Variants in MGA observed in about 807,000 individuals in gnomAD.
MGA encodes MAX gene-associated protein.
In MGA, 40 loss-of-function variants were observed where a neutral mutation model predicts 261.1. The ratio of observed to expected loss-of-function variants is 0.15; its 90% CI spans 0.12 to 0.20. MGA has a LOEUF of 0.20. MGA is among the 10% of genes least tolerant of loss of function. MGA has a pLI of 1.00. For missense variants in MGA, 3,397 were observed against 3,630.5 expected (o/e 0.94, Z 1.65); for synonymous variants, 1,302 against 1,290.6 (o/e 1.01, Z -0.19).
intron 20 of MGA, 59 bp downstream of exon 20, chr15:41,760,588 TGAGAAA>T: frequency 7.8e-6 from 12 of 1,538,640 alleles, no homozygotes; most frequent in Non-Finnish European, 1.1e-5. Context: ...ACCGATGATA[TGAGAAA>T]GATAATCCAC....
intron 2 of MGA, among the ~76,000 whole-genome samples, chr15:41,673,910 G>A (rs1475560186): frequency 6.6e-6 from 1 of 152,032 alleles, no homozygotes; most frequent in African/African-American, 2.4e-5. Flanking sequence ...GTTATGTTTT[G>A]AGACGGAGTC....
At chr15:41,693,035 A>G (rs145274097) in intron 2 of MGA, among the ~76,000 whole-genome samples, 239 of 152,180 alleles carry the variant, frequency 1.6e-3, no homozygotes, top group African/African-American at 5.0e-3. Context: ...ATGAGGTTTC[A>G]CCATGTTGCC....
At chr15:41,638,917 C>T (rs1305680930) in intron 1 of MGA, among the ~76,000 whole-genome samples, 2 of 151,934 alleles carry the variant, frequency 1.3e-5, no homozygotes, top group South Asian at 2.1e-4. Flanking sequence ...TGCCTTATTG[C>T]CCAGGCTGGT....
Position 41,767,277 on chromosome 15 carries a change from A to G in MGA, c.9195A>G (p.Lys3065=), listed in dbSNP as rs962693808. The G allele has an allele frequency of 5.6e-6, 9 of 1,607,232 alleles. No homozygotes were observed. Among genetic ancestry groups the G allele is most frequent in the African/African-American group, 1.3e-5 (1 of 74,844 alleles). ...GGGCCTCACCAAGTTCTGCAGGGAA[A>G]TGAACTTACTTGTCCTTAAGCAGAA... is the stretch of plus-strand genomic sequence containing the variant. The change falls in exon 24 of 24, where the codon AAA becomes AAG. Residue 3065 remains lysine, a synonymous_variant. Transcript: ENST00000219905.
intron 5 of MGA, among the ~76,000 whole-genome samples, chr15:41,699,575 C>T (rs552024883): frequency 1.3e-5 from 2 of 152,322 alleles, no homozygotes; most frequent in South Asian, 2.1e-4. Flanking sequence ...AATCTCTGCT[C>T]ACTGCAAGCT....
intron 2 of MGA, among the ~76,000 whole-genome samples, chr15:41,681,857 A>T (rs928265866): frequency 6.6e-6 from 1 of 152,136 alleles, no homozygotes; most frequent in African/African-American, 2.4e-5. Flanking sequence ...GTAGTTAATT[A>T]TTGCTTTTTT....
At chr15:41,758,792 G>T (rs1227502704) in intron 19 of MGA, among the ~76,000 whole-genome samples, 1 of 151,960 alleles carries the variant, frequency 6.6e-6, no homozygotes, top group African/African-American at 2.4e-5. Flanking sequence ...TTTTGGTTAC[G>T]GTCAGAGTTA....
intron 12 of MGA, among the ~76,000 whole-genome samples, chr15:41,735,147 A>G (rs1330168702): frequency 6.6e-6 from 1 of 152,216 alleles, no homozygotes; most frequent in Non-Finnish European, 1.5e-5. Flanking sequence ...CAATGTTTCT[A>G]TAGCACATTG....
intron 2 of MGA, among the ~76,000 whole-genome samples, chr15:41,678,955 T>C (rs888105243): frequency 6.6e-6 from 1 of 152,242 alleles, no homozygotes; most frequent in East Asian, 1.9e-4. Flanking sequence ...CATTTTCAAA[T>C]TGGGCAGTGT....
In MGA at chr15:41,675,618, C is replaced by T. The variant is rs1168695951; in HGVS notation, c.1064+5660C>T. Among the ~76,000 whole-genome samples the T allele has an allele frequency of 3.9e-5, 6 of 152,132 alleles. No individual in the cohort carries two copies. In the East Asian group the frequency reaches 5.8e-4, roughly 15 times the overall value. On this transcript the variant is annotated intron_variant, in intron 2 of 23. Coordinates refer to ENST00000219905, the MANE Select transcript of MGA (RefSeq NM_001164273.2). ...GTCTCAAACTCCTGGCTACAAGGAT[C>T]CTCCTACCTCAGCCTCTGAAATTGT...
intron 19 of MGA, among the ~76,000 whole-genome samples, chr15:41,759,951 G>T (rs572013019): frequency 1.3e-5 from 2 of 152,110 alleles, no homozygotes; most frequent in Admixed American, 1.3e-4. Flanking sequence ...GGATCTTACA[G>T]TATTTTTTGA....
chr15:41,762,272 T>C lies in MGA; in HGVS notation c.7654T>C (p.Ser2552Pro). The C allele has an allele frequency of 6.2e-7, 1 of 1,613,874 alleles. No homozygotes were observed. The highest frequency in any genetic ancestry group is 8.5e-7 in the Non-Finnish European group (1 of 1,179,820). Residue 2552 changes from serine to proline, a missense_variant, in exon 22 of 24, where the codon TCT becomes CCT. Coordinates refer to ENST00000219905, the MANE Select transcript of MGA (RefSeq NM_001164273.2). ...AATTAGCAAACAGCAGGAAGGATCT[T>C]CTGCATCATCTGTAGATCTTGGACA...
intron 5 of MGA, among the ~76,000 whole-genome samples, chr15:41,702,673 TTAAAAA>T (rs1380230193): frequency 2.0e-5 from 3 of 152,234 alleles, no homozygotes; most frequent in African/African-American, 7.2e-5. Flanking sequence ...GTAGTTTTAC[TTAAAAA>T]TAAAATAAGA....
chr15:41,761,493 C>T (rs2063455596), intron 20 of MGA, among the ~76,000 whole-genome samples: 1 of 152,120 alleles, frequency 6.6e-6, no homozygotes, highest in Non-Finnish European at 1.5e-5. Flanking sequence ...TGGTGGAATA[C>T]CTACTACCAT....
rs553339067 is a variant in MGA, at chr15:41,755,296, G to A, written c.7139+729G>A. Among the ~76,000 whole-genome samples the A allele has an allele frequency of 3.9e-5, 6 of 152,280 alleles. No individual in the cohort carries two copies. In the East Asian group the frequency reaches 1.2e-3, roughly 29 times the overall value. On this transcript the variant is annotated intron_variant, in intron 18 of 23. Transcript: ENST00000219905. The stretch of plus-strand genomic sequence containing the variant: ...ATGAGTTGAGAAAGAATAATTCTTC[G>A]TTCCTACTGATGCTGAGAAAGTTGA...
intron 2 of MGA, among the ~76,000 whole-genome samples, chr15:41,692,005 C>T (rs1163869428): frequency 6.6e-6 from 1 of 151,898 alleles, no homozygotes; most frequent in East Asian, 1.9e-4. Flanking sequence ...ATTTTCTCTT[C>T]AAGTATTTCT....
At position 41,710,817 on chromosome 15, in the gene MGA, C is replaced by G. The variant is rs886072105; in HGVS notation, c.2552C>G (p.Ser851Cys). 35 of 1,613,864 alleles carry G rather than the reference C, an allele frequency of 2.2e-5. No individual in the cohort carries two copies. The highest frequency in any genetic ancestry group is 3.0e-5 in the Non-Finnish European group (35 of 1,179,878). The change falls in exon 8 of 24, where the codon TCT becomes TGT. Residue 851 changes from serine to cysteine, a missense_variant. This residue lies in a region of MGA where 519 missense variants were observed against 554.1 expected (regional missense o/e 0.94). Coordinates refer to ENST00000219905, the MANE Select transcript of MGA (RefSeq NM_001164273.2). ...GGTTTTTCTTCTAATGCTCCCACAT[C>G]TCCTGTGGTGTACCAGCTTCCCACT...
intron 1 of MGA, among the ~76,000 whole-genome samples, chr15:41,631,335 A>G (rs957240598): frequency 2.6e-5 from 4 of 152,176 alleles, no homozygotes; most frequent in African/African-American, 9.7e-5. Flanking sequence ...ATATAAGAAG[A>G]GTTCTCTGTC....
Position 41,628,161 on chromosome 15 carries a change from A to C in MGA, c.-68+6863A>C, listed in dbSNP as rs569904072. Among the ~76,000 whole-genome samples, 127 of 152,200 alleles carry C rather than the reference A, an allele frequency of 8.3e-4. 1 individual carries two copies. Among genetic ancestry groups the C allele is most frequent in the Non-Finnish European group, 1.4e-3 (95 of 68,000 alleles). On this transcript the variant is annotated intron_variant, in intron 1 of 8. Coordinates refer to the MGA transcript ENST00000566718. ...CGAGGCAGGTGGATCACCTGAGGTC[A>C]GGAGTTTGAGACCAGCTTGGCCAAC... is the stretch of plus-strand genomic sequence containing the variant.
Sources: allele counts gnomAD v4.1 joint callset (sites outside exome capture counted in the v4.1 genomes callset), GRCh38; gene constraint gnomAD v4.1.1; regional missense constraint gnomAD v4.1.1; transcripts MANE v1.5; gene names NCBI Gene and HGNC (gene_info 2026-07-23, HGNC 2026-07-21).